IL1R1: variants seen among roughly 807,000 people sequenced by gnomAD.
The protein encoded by IL1R1 is interleukin 1 receptor type 1, also known as interleukin-1 receptor type 1.
Under a neutral mutation model 50.2 loss-of-function variants are expected in IL1R1, and 22 were observed. The ratio of observed to expected loss-of-function variants is 0.44; its 90% CI spans 0.31 to 0.63. IL1R1 has a LOEUF of 0.63. IL1R1 is among the 20% of genes least tolerant of loss of function. IL1R1 has a pLI of 0.07. For synonymous variants in IL1R1, 251 were observed against 236.7 expected (o/e 1.06, Z -0.55); for missense variants, 509 against 676.2 (o/e 0.75, Z 2.74).
intron 1 of IL1R1, among the ~76,000 whole-genome samples, chr2:102,143,511 G>T (rs1047414741): frequency 6.6e-6 from 1 of 152,212 alleles, no homozygotes; most frequent in African/African-American, 2.4e-5. Flanking sequence ...ATTTACAACA[G>T]TCATGCCCAG....
intron 1 of IL1R1, among the ~76,000 whole-genome samples, chr2:102,091,010 A>T (rs1458330126): frequency 6.6e-6 from 1 of 152,214 alleles, no homozygotes; most frequent in East Asian, 1.9e-4. Flanking sequence ...TTAGTAAAAC[A>T]CATTAGAACT....
chr2:102,168,329 C>G (rs933865934), intron 6 of IL1R1, among the ~76,000 whole-genome samples: 3 of 152,174 alleles, frequency 2.0e-5, no homozygotes, highest in African/African-American at 7.2e-5. Flanking sequence ...TCTGGGGACC[C>G]AGGGTCCTGG....
chr2:102,149,301 A>G (rs1481369215), intron 1 of IL1R1, among the ~76,000 whole-genome samples: 2 of 152,244 alleles, frequency 1.3e-5, no homozygotes, highest in Non-Finnish European at 2.9e-5. Flanking sequence ...GGAAGGTAGA[A>G]GAGTGTGTTG....
chr2:102,164,716 A>T, intron 3 of IL1R1, 58 bp from the exon 4 acceptor site: 1 of 1,125,880 alleles, frequency 8.9e-7, no homozygotes. Context: ...TAGATATTAA[A>T]TCAAGACACA....
At chr2:102,161,652 T>C (rs1210948545) in intron 3 of IL1R1, among the ~76,000 whole-genome samples, 1 of 152,202 alleles carries the variant, frequency 6.6e-6, no homozygotes, top group Admixed American at 6.5e-5. Context: ...TATTATTGTG[T>C]TCCTGTTGAT....
At chr2:102,145,563 C>T (rs1170873470) in intron 1 of IL1R1, among the ~76,000 whole-genome samples, 4 of 152,206 alleles carry the variant, frequency 2.6e-5, no homozygotes, top group Non-Finnish European at 5.9e-5. Context: ...CCCAAGAGGA[C>T]TCATGCCCAC....
chr2:102,072,620 C>T (rs1468709867), intron 1 of IL1R1, among the ~76,000 whole-genome samples: 1 of 151,746 alleles, frequency 6.6e-6, no homozygotes, highest in Non-Finnish European at 1.5e-5. Flanking sequence ...TTTCTTTTTT[C>T]TTCTGTGGAC....
At chr2:102,092,507 C>A (rs1679716875) in intron 1 of IL1R1, among the ~76,000 whole-genome samples, 1 of 152,084 alleles carries the variant, frequency 6.6e-6, no homozygotes, top group African/African-American at 2.4e-5. Context: ...CATTTCCTGA[C>A]CAACTATAGA....
intron 1 of IL1R1, among the ~76,000 whole-genome samples, chr2:102,114,645 C>T (rs1680966053): frequency 6.6e-6 from 1 of 152,204 alleles, no homozygotes; most frequent in Admixed American, 6.5e-5. Context: ...ACTCACTGTG[C>T]TTGAATCTTT....
At chr2:102,167,646 C>G (rs1302406906) in intron 6 of IL1R1, among the ~76,000 whole-genome samples, 1 of 151,748 alleles carries the variant, frequency 6.6e-6, no homozygotes, top group East Asian at 1.9e-4. Flanking sequence ...GATGGGGTTT[C>G]ACCGTGTTAG....
At chr2:102,135,781 C>T (rs992776301) in intron 1 of IL1R1, among the ~76,000 whole-genome samples, 3 of 152,200 alleles carry the variant, frequency 2.0e-5, no homozygotes, top group African/African-American at 4.8e-5. Flanking sequence ...AAGGAATGTC[C>T]TATATCTGTT....
chr2:102,116,023 G>A (rs1466580887), intron 1 of IL1R1, among the ~76,000 whole-genome samples: 1 of 152,178 alleles, frequency 6.6e-6, no homozygotes, highest in Non-Finnish European at 1.5e-5. Flanking sequence ...TTTATATGGC[G>A]AATCTGGATT....
chr2:102,083,017 A>C (rs1679282352), intron 1 of IL1R1, among the ~76,000 whole-genome samples: 2 of 152,200 alleles, frequency 1.3e-5, no homozygotes, highest in South Asian at 4.1e-4. Context: ...ATTCCTGGTC[A>C]TGAGGACCAG....
At chr2:102,102,022 T>A (rs960727468), upstream of IL1R1, among the ~76,000 whole-genome samples, 1 of 152,206 alleles carries the variant, frequency 6.6e-6, no homozygotes, top group Admixed American at 6.5e-5. Context: ...ACAGGTTAAC[T>A]AAACAGTGCA....
At chr2:102,156,267 A>G (rs1260818099) in intron 2 of IL1R1, 2 of 152,626 alleles carry the variant, frequency 1.3e-5, no homozygotes, top group Non-Finnish European at 2.9e-5. Flanking sequence ...TAATAATACT[A>G]GTATTCTAGA....
At chr2:102,119,622 A>G (rs947958908) in intron 1 of IL1R1, among the ~76,000 whole-genome samples, 6 of 152,228 alleles carry the variant, frequency 3.9e-5, no homozygotes, top group Admixed American at 1.3e-4. Flanking sequence ...TTGGTTCCAT[A>G]GGTAGATTTT....
intron 3 of IL1R1, among the ~76,000 whole-genome samples, chr2:102,162,138 A>T (rs1684785996): frequency 6.6e-6 from 1 of 152,246 alleles, no homozygotes; most frequent in Non-Finnish European, 1.5e-5. Flanking sequence ...GTGTATATTT[A>T]CAGTGTACAA....
upstream of IL1R1, among the ~76,000 whole-genome samples, chr2:102,138,228 T>C (rs1367948928): frequency 2.0e-5 from 3 of 152,188 alleles, no homozygotes; most frequent in Admixed American, 6.5e-5. Context: ...CTGGTTCTGT[T>C]AGGTGTAACA....
chr2:102,142,356 G>T (rs1222530526), upstream of IL1R1: 1 of 152,220 alleles, frequency 6.6e-6, no homozygotes, highest in African/African-American at 2.4e-5. Context: ...TCGCTCTGGC[G>T]AGCGTTTGCT....
Sources: gnomAD v4.1 joint callset for allele counts (sites outside exome capture counted in the v4.1 genomes callset) on GRCh38, gnomAD v4.1.1 for gene constraint, MANE v1.5 for transcripts, NCBI Gene and HGNC (gene_info 2026-07-23, HGNC 2026-07-21) for gene names.